KIAA0825: variants seen among roughly 807,000 people sequenced by gnomAD.
KIAA0825 encodes the protein KIAA0825, also known as uncharacterized protein KIAA0825.
In KIAA0825, 119 loss-of-function variants were observed where a neutral mutation model predicts 147.6. That is an observed-to-expected ratio of 0.81 (90% CI 0.69 to 0.94). The LOEUF (loss-of-function observed/expected upper bound fraction) is 0.94. Among genes scored for constraint, KIAA0825 ranks in the 40% least tolerant of loss-of-function variants. The pLI, the probability that KIAA0825 is intolerant of heterozygous loss-of-function variation, is 0.00. For synonymous variants in KIAA0825, 470 were observed against 518.1 expected, an observed-to-expected ratio of 0.91 and a Z score of 1.26; for missense variants, 1,381 against 1,472.7, an observed-to-expected ratio of 0.94 and a Z score of 1.02.
At position 94,417,262 on chromosome 5, in the gene KIAA0825, T is replaced by G; in HGVS notation, c.2601A>C (p.Ala867=). ...CTTCCATGTAGCTCACAAAAACGTT[T>G]GCAAATGTTTGTGGAGAAAAACTGC... ...YHCSFSPQTF[A]NVFVSYMEEE... The change falls in exon 15 of 21, where the codon GCA becomes GCC. Residue 867 remains alanine (A), a synonymous_variant. Coordinates refer to ENST00000682413, the MANE Select transcript of KIAA0825 (RefSeq NM_001145678.3). 1 of 1,551,090 alleles carries G rather than the reference T, an allele frequency of 6.4e-7. No homozygotes were observed. Among genetic ancestry groups the G allele is most frequent in the Non-Finnish European group, 8.7e-7 (1 of 1,146,588 alleles).
chr5:94,271,149 A>T (rs1165218422), intron 20 of KIAA0825, among the ~76,000 whole-genome samples: 1 of 152,208 alleles, frequency 6.6e-6, no homozygotes, highest in Non-Finnish European at 1.5e-5. Flanking sequence ...AAAGACTTAA[A>T]TCTAAGACCT....
At chr5:94,406,556 G>T (rs774427553) in intron 15 of KIAA0825, among the ~76,000 whole-genome samples, 4 of 152,148 alleles carry the variant, frequency 2.6e-5, no homozygotes, top group Non-Finnish European at 4.4e-5. Context: ...GGGAAAATCT[G>T]CACCTCCATT....
At chr5:94,255,475 CTG>C (rs1386244289) in intron 20 of KIAA0825, among the ~76,000 whole-genome samples, 2 of 151,988 alleles carry the variant, frequency 1.3e-5, no homozygotes, top group African/African-American at 4.8e-5. Flanking sequence ...AGATGTCACT[CTG>C]TGCAACCCTG....
chr5:94,577,832 G>A (rs1490079489), intron 2 of KIAA0825, among the ~76,000 whole-genome samples: 1 of 152,184 alleles, frequency 6.6e-6, no homozygotes, highest in African/African-American at 2.4e-5. Context: ...ACTTATGTAA[G>A]AGGTTGACCA....
At chr5:94,585,632 G>A (rs1334710564) in intron 1 of KIAA0825, among the ~76,000 whole-genome samples, 2 of 152,064 alleles carry the variant, frequency 1.3e-5, no homozygotes, top group Non-Finnish European at 2.9e-5. Flanking sequence ...ACAGATCAAC[G>A]AGATGGAAAA....
At chr5:94,369,321 T>C (rs1389852098) in intron 20 of KIAA0825, among the ~76,000 whole-genome samples, 4 of 152,164 alleles carry the variant, frequency 2.6e-5, no homozygotes, top group African/African-American at 9.7e-5. Flanking sequence ...TCCATTCTGA[T>C]GACAAGCATT....
intron 5 of KIAA0825, among the ~76,000 whole-genome samples, chr5:94,499,259 G>C (rs1486095052): frequency 6.6e-6 from 1 of 152,096 alleles, no homozygotes; most frequent in Non-Finnish European, 1.5e-5. Flanking sequence ...CAAGGCCCAG[G>C]TTCTTTCTGT....
At chr5:94,431,651 G>T (rs1755682166) in intron 14 of KIAA0825, among the ~76,000 whole-genome samples, 1 of 152,132 alleles carries the variant, frequency 6.6e-6, no homozygotes, top group African/African-American at 2.4e-5. Flanking sequence ...ACAAGAAATG[G>T]TCTAGGCATA....
chr5:94,517,919 T>C (rs555037838), intron 5 of KIAA0825, among the ~76,000 whole-genome samples: 1 of 152,222 alleles, frequency 6.6e-6, no homozygotes, highest in South Asian at 2.1e-4. Context: ...CTTCACTCTA[T>C]GTCCTAGAGC....
At chr5:94,587,258 T>C (rs1783479001) in intron 1 of KIAA0825, among the ~76,000 whole-genome samples, 1 of 152,226 alleles carries the variant, frequency 6.6e-6, no homozygotes, top group Non-Finnish European at 1.5e-5. Context: ...AAATTGTCCC[T>C]GTTTGCAGAT....
rs566208178 is a variant in KIAA0825, at chr5:94,285,806, C to G, written c.3710+98562G>C. 2.1e-4 allele frequency among the ~76,000 whole-genome samples: 32 copies of G among 152,228 alleles called. 1 individual carries two copies. In the South Asian group the frequency reaches 6.4e-3, roughly 31 times the overall value. On this transcript the variant is annotated intron_variant, in intron 20 of 20. Coordinates refer to ENST00000682413, the MANE Select transcript of KIAA0825 (RefSeq NM_001145678.3). ...TGATCCTCTCCTCACAGCTCTTAGA[C>G]AAAACAGTCCTGTAATCATAGGCTT...
In KIAA0825 at chr5:94,469,224, G is replaced by A. The variant is rs187606935; in HGVS notation, c.1872+737C>T. ...CTAGCTCTGTCACCCAGGCTGGAGT[G>A]CAGTGGCTGGATCTCAGCTCATTGC... On this transcript the variant is annotated intron_variant, in intron 10 of 20. Coordinates refer to ENST00000682413, the MANE Select transcript of KIAA0825 (RefSeq NM_001145678.3). 3.3e-5 allele frequency among the ~76,000 whole-genome samples: 5 copies of A among 151,690 alleles called. No individual in the cohort carries two copies. The East Asian group carries it at 7.8e-4, about 24-fold the overall frequency.
intron 15 of KIAA0825, among the ~76,000 whole-genome samples, chr5:94,411,401 A>C (rs1378304169): frequency 6.6e-6 from 1 of 152,192 alleles, no homozygotes; most frequent in Non-Finnish European, 1.5e-5. Context: ...CACTTGGTCA[A>C]TTGATTTCTG....
At chr5:94,284,797 G>A (rs1040451106) in intron 20 of KIAA0825, among the ~76,000 whole-genome samples, 1 of 151,992 alleles carries the variant, frequency 6.6e-6, no homozygotes, top group Non-Finnish European at 1.5e-5. Flanking sequence ...AGCATCCTTT[G>A]ATTGCCCATT....
chr5:94,560,576 C>A (rs1777367838), intron 2 of KIAA0825, among the ~76,000 whole-genome samples: 1 of 152,190 alleles, frequency 6.6e-6, no homozygotes, highest in African/African-American at 2.4e-5. Flanking sequence ...TATGTGTCCA[C>A]AAATCCTAAA....
chr5:94,421,416 C>T (rs1754168025), intron 14 of KIAA0825, among the ~76,000 whole-genome samples: 2 of 152,166 alleles, frequency 1.3e-5, no homozygotes, highest in Non-Finnish European at 1.5e-5. Flanking sequence ...CCAAATTATC[C>T]ATCTCTGGCT....
At chr5:94,529,998 T>C (rs1006962435) in intron 3 of KIAA0825, among the ~76,000 whole-genome samples, 48 of 152,060 alleles carry the variant, frequency 3.2e-4, no homozygotes, top group African/African-American at 1.1e-3. Flanking sequence ...TAGCTGGGCA[T>C]GGTGGCTCAC....
intron 15 of KIAA0825, chr5:94,415,642 C>T (rs932527930): frequency 5.3e-5 from 8 of 152,174 alleles, no homozygotes; most frequent in Non-Finnish European, 1.0e-4. Flanking sequence ...AAGGGAGTTT[C>T]ACCCATTTGA....
At chr5:94,439,879 TG>T in intron 14 of KIAA0825, 102 bp downstream of exon 14, 1 of 1,195,176 alleles carries the variant, frequency 8.4e-7, no homozygotes, top group East Asian at 2.6e-5. Flanking sequence ...TACATGCTAT[TG>T]GTTTACATCT....
Sources: allele counts gnomAD v4.1 joint callset (sites outside exome capture counted in the v4.1 genomes callset), GRCh38; gene constraint gnomAD v4.1.1; transcripts MANE v1.5; gene names NCBI Gene and HGNC (gene_info 2026-07-23, HGNC 2026-07-21).